COL4A5: variants seen among roughly 807,000 people sequenced by gnomAD.
COL4A5 encodes the protein collagen type IV alpha 5 chain.
Under a neutral mutation model 130.2 loss-of-function variants are expected in COL4A5, and 26 were observed. The observed-to-expected ratio is 0.20, with a 90% CI of 0.15 to 0.28. COL4A5 has a LOEUF of 0.28. Ranked by LOEUF, COL4A5 falls within the 10% of genes least tolerant of loss-of-function variation. COL4A5 has a pLI of 1.00. For missense variants in COL4A5, 1,131 were observed against 1,344.3 expected, an observed-to-expected ratio of 0.84 and a Z score of 2.48; for synonymous variants, 496 against 439.6, an observed-to-expected ratio of 1.13 and a Z score of -1.60.
chrX:108,647,356 C>G (rs1405020228), intron 36 of COL4A5, among the ~76,000 whole-genome samples: 5 of 111,195 alleles, frequency 4.5e-5, no homozygotes, highest in South Asian at 7.6e-4. Flanking sequence ...GTGAATGGGT[C>G]TTCACTCATG....
chrX:108,477,972 G>A (rs1332156351), intron 1 of COL4A5, among the ~76,000 whole-genome samples: 2 of 111,235 alleles, frequency 1.8e-5, no homozygotes, highest in African/African-American at 3.3e-5. Flanking sequence ...TTAGCAGGTC[G>A]TGGTTTTTTT....
At chrX:108,522,749 T>C (rs779595137) in intron 1 of COL4A5, among the ~76,000 whole-genome samples, 31 of 109,299 alleles carry the variant, frequency 2.8e-4, no homozygotes, top group Admixed American at 9.9e-4. Flanking sequence ...TCTTTTCACT[T>C]TCTTGGTAGT....
At chrX:108,609,093 G>T (rs2066783511) in intron 29 of COL4A5, among the ~76,000 whole-genome samples, 1 of 111,812 alleles carries the variant, frequency 8.9e-6, no homozygotes, top group Admixed American at 9.5e-5. Flanking sequence ...AGCTGTTAAA[G>T]ACATTTTTTA....
intron 2 of COL4A5, among the ~76,000 whole-genome samples, chrX:108,551,911 A>G (rs2065758670): frequency 8.9e-6 from 1 of 112,341 alleles, no homozygotes; most frequent in East Asian, 2.8e-4. Flanking sequence ...TTGCAGCAGC[A>G]TGGATGCAAC....
chrX:108,538,805 G>C (rs1024759368), intron 1 of COL4A5, among the ~76,000 whole-genome samples: 13 of 111,895 alleles, frequency 1.2e-4, no homozygotes, highest in Admixed American at 1.0e-3. Context: ...CATTTTCTAA[G>C]AGTAAAGGAT....
At chrX:108,531,074 T>C (rs1244545329) in intron 1 of COL4A5, among the ~76,000 whole-genome samples, 15 of 105,274 alleles carry the variant, frequency 1.4e-4, no homozygotes, top group African/African-American at 4.9e-4. Context: ...ATGGATGAAA[T>C]TGGAAATCAT....
Position 108,694,800 on chromosome X carries a change from T to C in COL4A5, c.4707-7T>C. ...AGATTATGTTCCTTCTCCTTTTCCT[T>C]TACCAGATGTGCAGTATGTGAAGCT... On this transcript the variant is annotated splice_region_variant and splice_polypyrimidine_tract_variant and intron_variant, in intron 50 of 52. Coordinates refer to ENST00000328300, the MANE Select transcript of COL4A5 (RefSeq NM_033380.3). 8.4e-7 allele frequency: 1 copy of C among 1,184,886 alleles called. No homozygotes were observed. The highest frequency in any genetic ancestry group is 1.1e-6 in the Non-Finnish European group (1 of 871,115).
intron 1 of COL4A5, among the ~76,000 whole-genome samples, chrX:108,527,453 A>G (rs16985508): frequency 0.1 from 11,607 of 111,464 alleles, 1,305 homozygotes; most frequent in African/African-American, 0.34. Context: ...CACTTACATC[A>G]TATTACCAAT....
rs1373741384 is a variant in COL4A5, at chrX:108,573,634, C to T, written c.526C>T (p.Pro176Ser). ...LPGPKGNPGY[P>S]GPPGIQGLPG... ...AGGACCAAAGGGTAATCCAGGATATCCAGGTCCTCCTGGAATACAAGTAAG... is the reference window on the plus strand; with the variant it reads ...AGGACCAAAGGGTAATCCAGGATATTCAGGTCCTCCTGGAATACAAGTAAG... Residue 176 changes from proline (P) to serine (S), a missense_variant, in exon 9 of 53, where the codon CCA (proline) becomes TCA (serine). Pro to Ser is a moderately conservative substitution (Grantham distance 74). Coordinates refer to ENST00000328300, the MANE Select transcript of COL4A5 (RefSeq NM_033380.3). 8.4e-7 allele frequency: 1 copy of T among 1,195,099 alleles called. No homozygotes were observed. Among genetic ancestry groups the T allele is most frequent in the Non-Finnish European group, 1.1e-6 (1 of 880,519 alleles).
At chrX:108,450,835 TTTTA>T (rs1395372432) in intron 1 of COL4A5, among the ~76,000 whole-genome samples, 1 of 110,332 alleles carries the variant, frequency 9.1e-6, no homozygotes, top group African/African-American at 3.3e-5. Context: ...GTTTTTTTAT[TTTTA>T]TTTTTTATTT....
At chrX:108,451,194 A>G (rs1235001978) in intron 1 of COL4A5, among the ~76,000 whole-genome samples, 1 of 111,235 alleles carries the variant, frequency 9.0e-6, no homozygotes, top group African/African-American at 3.3e-5. Context: ...TTATGGCTGC[A>G]TAGTATTCCA....
chrX:108,475,595 G>C (rs2064825054), intron 1 of COL4A5, among the ~76,000 whole-genome samples: 1 of 110,850 alleles, frequency 9.0e-6, no homozygotes, highest in Admixed American at 9.7e-5. Context: ...ATGAGTGGGG[G>C]ATCTTCACCC....
At chrX:108,576,815 T>C (rs1355945826) in intron 10 of COL4A5, among the ~76,000 whole-genome samples, 1 of 112,261 alleles carries the variant, frequency 8.9e-6, no homozygotes, top group Non-Finnish European at 1.9e-5. Flanking sequence ...CAGAAAAGAT[T>C]GTGATTTCTG....
intron 26 of COL4A5, 43 bp downstream of exon 26, chrX:108,601,528 CTTTTTT>C (rs61506795): frequency 2.1e-5 from 12 of 580,267 alleles, no homozygotes; most frequent in Admixed American, 3.5e-5. Context: ...ACACCGATGG[CTTTTTT>C]TTTTTTTTTT....
At chrX:108,534,921 C>G (rs1482174293) in intron 1 of COL4A5, among the ~76,000 whole-genome samples, 1 of 110,719 alleles carries the variant, frequency 9.0e-6, no homozygotes, top group East Asian at 2.8e-4. Context: ...CCTCTCTCAC[C>G]TCTTCTAGAA....
At chrX:108,580,268 TC>T in intron 13 of COL4A5, among the ~76,000 whole-genome samples, 1 of 111,313 alleles carries the variant, frequency 9.0e-6, no homozygotes, top group South Asian at 3.8e-4. Context: ...CTCTTAGTAG[TC>T]CCCAGTGTCT....
chrX:108,633,630 A>G (rs949894139), intron 36 of COL4A5, among the ~76,000 whole-genome samples: 1 of 111,393 alleles, frequency 9.0e-6, no homozygotes, highest in African/African-American at 3.3e-5. Context: ...TAGCAGAAAA[A>G]TATGTTTTAA....
In COL4A5 at chrX:108,697,464, A is replaced by G. The variant is rs1423068344; in HGVS notation, c.*1086A>G. 9.0e-6 allele frequency: 1 copy of G among 110,867 alleles called. No individual in the cohort carries two copies. The highest frequency in any genetic ancestry group is 1.9e-5 in the Non-Finnish European group (1 of 53,018). 9.1% of individuals were successfully genotyped at this position (110,867 alleles called of 1,213,427 possible). A position where few individuals can be genotyped will look rare whatever the true frequency, so the allele number is the denominator to read the frequency against. Reference sequence around the variant, plus strand: ...GTTATAAATACTCACAGGATACCTTATTTCCCTAGCTATCATCTCCTGACT... The same window carrying G: ...GTTATAAATACTCACAGGATACCTTGTTTCCCTAGCTATCATCTCCTGACT... On this transcript the variant is annotated 3_prime_UTR_variant, in exon 53 of 53. Transcript: ENST00000328300.
Position 108,624,167 on chromosome X carries a change from G to T in COL4A5, c.2918-69G>T. 3.4e-6 allele frequency: 3 copies of T among 882,479 alleles called. No individual in the cohort carries two copies. Among genetic ancestry groups the T allele is most frequent in the Non-Finnish European group, 5.0e-6 (3 of 605,587 alleles). The allele number at this position is 882,479 out of a possible 1,213,427, so 72.7% of individuals were successfully genotyped here. A position where few individuals can be genotyped will look rare whatever the true frequency, so the allele number is the denominator to read the frequency against. On this transcript the variant is annotated intron_variant, in intron 33 of 52. Coordinates refer to ENST00000328300, the MANE Select transcript of COL4A5 (RefSeq NM_033380.3). ...TTATAGTTTAACACTTGAGTAGCTT[G>T]CTTTGCCAAAGTTATTTCATGGATG... is the stretch of plus-strand genomic sequence containing the variant.
Sources: allele counts gnomAD v4.1 joint callset (sites outside exome capture counted in the v4.1 genomes callset), GRCh38; gene constraint gnomAD v4.1.1; transcripts MANE v1.5; gene names NCBI Gene and HGNC (gene_info 2026-07-23, HGNC 2026-07-21).